ZNF354C: variants seen among roughly 807,000 people sequenced by gnomAD.
The protein encoded by ZNF354C is zinc finger protein 354C.
Under a neutral mutation model 12.4 loss-of-function variants are expected in ZNF354C, and 7 were observed. That is an observed-to-expected ratio of 0.56 (90% CI 0.32 to 1.06). The LOEUF (loss-of-function observed/expected upper bound fraction) is 1.06, where lower values mean the gene tolerates loss of function less well. Among genes scored for constraint, ZNF354C ranks in the 50% least tolerant of loss-of-function variants. The pLI, the probability that ZNF354C is intolerant of heterozygous loss-of-function variation, is 0.04. For missense variants in ZNF354C, 609 were observed against 658.0 expected, an observed-to-expected ratio of 0.93 and a Z score of 0.81; for synonymous variants, 202 against 224.5, an observed-to-expected ratio of 0.90 and a Z score of 0.90.
intron 2 of ZNF354C, among the ~76,000 whole-genome samples, chr5:179,062,737 C>G (rs1227586204): frequency 6.6e-6 from 1 of 152,176 alleles, no homozygotes; most frequent in Non-Finnish European, 1.5e-5. Context: ...TGGGGCCTTC[C>G]CCTCCCAGTG....
At chr5:179,064,487 G>T (rs1261629378) in intron 2 of ZNF354C, among the ~76,000 whole-genome samples, 1 of 151,946 alleles carries the variant, frequency 6.6e-6, no homozygotes, top group Non-Finnish European at 1.5e-5. Flanking sequence ...CGCCATCTCG[G>T]TTCACTGCAA....
In ZNF354C at chr5:179,080,975, T is replaced by C. The variant is rs955910682; in HGVS notation, c.*878T>C. ...AGAGATTTTAGTTTAATTATAGCCTTTCATTGTACTAACGAAGGATTTGAA... is the reference window on the plus strand; with the variant it reads ...AGAGATTTTAGTTTAATTATAGCCTCTCATTGTACTAACGAAGGATTTGAA... On this transcript the variant is annotated 3_prime_UTR_variant, in exon 5 of 5. Transcript: ENST00000315475. The C allele has an allele frequency of 2.0e-5, 3 of 151,790 alleles. No homozygotes were observed. Among genetic ancestry groups the C allele is most frequent in the African/African-American group, 7.3e-5 (3 of 41,074 alleles). The allele number at this position is 151,790 out of a possible 1,614,324, so 9.4% of individuals were successfully genotyped here.
Position 179,083,078 on chromosome 5 carries a change from G to A in ZNF354C, c.*2981G>A. 1.4e-6 allele frequency: 1 copy of A among 721,340 alleles called. No homozygotes were observed. The highest frequency in any genetic ancestry group is 2.1e-5 in the South Asian group (1 of 48,534). 44.7% of individuals were successfully genotyped at this position (721,340 alleles called of 1,614,324 possible). A position where few individuals can be genotyped will look rare whatever the true frequency, so the allele number is the denominator to read the frequency against. On this transcript the variant is annotated 3_prime_UTR_variant, in exon 5 of 5. Transcript: ENST00000315475. ...GGTGTGATGTTGTAAGCCATAGTTT[G>A]TGCATTTTGGCCCTGGTCTGGACTT...
intron 2 of ZNF354C, among the ~76,000 whole-genome samples, chr5:179,063,194 CT>C (rs1761916748): frequency 2.0e-5 from 3 of 152,218 alleles, no homozygotes; most frequent in Non-Finnish European, 2.9e-5. Flanking sequence ...TATTTTATCT[CT>C]CTGTACCCCA....
At chr5:179,066,322 C>T (rs1761957532) in intron 2 of ZNF354C, among the ~76,000 whole-genome samples, 2 of 152,232 alleles carry the variant, frequency 1.3e-5, no homozygotes, top group Non-Finnish European at 2.9e-5. Context: ...TGCTGCCATT[C>T]ATTTCACTCA....
rs1040191733 is a variant in ZNF354C, at chr5:179,076,518, G to A, written c.101G>A (p.Arg34Lys). 1 of 1,614,214 alleles carries A rather than the reference G, an allele frequency of 6.2e-7. No individual in the cohort carries two copies. The highest frequency in any genetic ancestry group is 8.5e-7 in the Non-Finnish European group (1 of 1,180,046). ...DEWLHLDSAQ[R>K]ALYREVMLEN... Reference sequence around the variant, plus strand: ...TGGTTGCACCTGGACTCTGCCCAGAGGGCCTTGTACCGGGAGGTGATGCTG... The same window carrying A: ...TGGTTGCACCTGGACTCTGCCCAGAAGGCCTTGTACCGGGAGGTGATGCTG... Residue 34 changes from arginine (R) to lysine (K), a missense_variant, in exon 3 of 5, where the codon AGG becomes AAG. Physicochemically the swap from Arg to Lys is conservative, Grantham distance 26 (BLOSUM62 2). Transcript: ENST00000315475.
In ZNF354C at chr5:179,077,129, C is replaced by G; in HGVS notation, c.213C>G (p.Cys71Trp). 1 of 1,614,106 alleles carries G rather than the reference C, an allele frequency of 6.2e-7. No individual in the cohort carries two copies. The highest frequency in any genetic ancestry group is 1.7e-5 in the Admixed American group (1 of 60,024). The part of the protein sequence containing the change: ...IHQLQQGEDP[C>W]MVEREVPSDT... ...AGTTGCAGCAAGGAGAAGATCCCTG[C>G]ATGGTGGAAAGAGAAGTCCCTTCAG... is the stretch of plus-strand genomic sequence containing the variant. Residue 71 changes from cysteine to tryptophan, a missense_variant, in exon 4 of 5, where the codon TGC becomes TGG. Coordinates refer to ENST00000315475, the MANE Select transcript of ZNF354C (RefSeq NM_014594.3).
At position 179,082,577 on chromosome 5, in the gene ZNF354C, AT is replaced by A; in HGVS notation, c.*2483del. On this transcript the variant is annotated 3_prime_UTR_variant, in exon 5 of 5. Transcript: ENST00000315475. ...AGCTCAAAAGAACTAAGTATTCCAG[AT>A]TTCGGGAGGGATGAAGAGGGAGATA... is the stretch of plus-strand genomic sequence containing the variant. 1.1e-6 allele frequency: 1 copy of A among 910,134 alleles called. No homozygotes were observed. The highest frequency in any genetic ancestry group is 1.8e-6 in the Non-Finnish European group (1 of 541,538). 56.4% of individuals were successfully genotyped at this position (910,134 alleles called of 1,614,324 possible).
In ZNF354C at chr5:179,083,054, G is replaced by GT; in HGVS notation, c.*2958dup. On this transcript the variant is annotated 3_prime_UTR_variant, in exon 5 of 5. Coordinates refer to ENST00000315475, the MANE Select transcript of ZNF354C (RefSeq NM_014594.3). ...CACATTCCACTGGCCCTACGCAGGG[G>GT]TGTGATGTTGTAAGCCATAGTTTGT... The GT allele has an allele frequency of 1.3e-6, 1 of 763,106 alleles. No individual in the cohort carries two copies. Among genetic ancestry groups the GT allele is most frequent in the Admixed American group, 2.4e-5 (1 of 41,776 alleles). 47.3% of individuals were successfully genotyped at this position (763,106 alleles called of 1,614,324 possible).
chr5:179,074,291 C>CT (rs34702354), intron 2 of ZNF354C, among the ~76,000 whole-genome samples: 73,072 of 139,334 alleles, frequency 0.52, 19,977 homozygotes, highest in East Asian at 0.75. Context: ...AATTTTTGTA[C>CT]TTTTTTTTTT....
At position 179,078,909 on chromosome 5, in the gene ZNF354C, C is replaced by T. The variant is rs777890116; in HGVS notation, c.477C>T (p.Asn159=). The part of the protein sequence containing the change: ...SHEKTISEDG[N]HTSLELGKSL... ...AGAAAACCATCAGTGAAGATGGAAACCATACAAGTCTTGAATTGGGGAAAA... is the reference window on the plus strand; with the variant it reads ...AGAAAACCATCAGTGAAGATGGAAATCATACAAGTCTTGAATTGGGGAAAA... The change falls in exon 5 of 5, where the codon AAC becomes AAT. Residue 159 remains asparagine (N), a synonymous_variant. Transcript: ENST00000315475. 1 of 1,614,096 alleles carries T rather than the reference C, an allele frequency of 6.2e-7. No homozygotes were observed. Among genetic ancestry groups the T allele is most frequent in the Admixed American group, 1.7e-5 (1 of 60,026 alleles).
Position 179,068,931 on chromosome 5 carries a change from G to A in ZNF354C, c.27+6836G>A, listed in dbSNP as rs143847800. On this transcript the variant is annotated intron_variant, in intron 2 of 4. Transcript: ENST00000315475. The stretch of plus-strand genomic sequence containing the variant: ...CTGCCACATGGCCTCTCCTGCGCAT[G>A]AGCGTGTCCGTGTCCTGATCTCCCC... 6.0e-4 allele frequency among the ~76,000 whole-genome samples: 92 copies of A among 152,338 alleles called. 1 individual carries two copies. The highest frequency in any genetic ancestry group is 2.0e-3 in the African/African-American group (82 of 41,578).
rs1422265959 is a variant in ZNF354C at position 179,077,809 on chromosome 5, C to CTT, written c.250+661_250+662dup. Among the ~76,000 whole-genome samples the CTT allele has an allele frequency of 1.9e-3, 229 of 121,282 alleles. 4 individuals carry two copies. Among genetic ancestry groups the CTT allele is most frequent in the African/African-American group, 2.5e-3 (84 of 34,004 alleles). 79.6% of individuals were successfully genotyped at this position (121,282 alleles called of 152,430 possible). ...TCAAAACCTGAATGTCCCCCCACTC[C>CTT]TTTTTTTTTTTTTTTTTTTGAGATG... On this transcript the variant is annotated intron_variant, in intron 4 of 4. Coordinates refer to ENST00000315475, the MANE Select transcript of ZNF354C (RefSeq NM_014594.3).
Position 179,078,922 on chromosome 5 carries a change from G to A in ZNF354C, c.490G>A (p.Glu164Lys). 6.2e-7 allele frequency: 1 copy of A among 1,614,118 alleles called. No homozygotes were observed. The highest frequency in any genetic ancestry group is 8.5e-7 in the Non-Finnish European group (1 of 1,179,994). ...ISEDGNHTSL[E>K]LGKSLFTNTA... is the part of the protein sequence containing the mutation. ...TGAAGATGGAAACCATACAAGTCTT[G>A]AATTGGGGAAAAGCTTATTTACAAA... is the stretch of plus-strand genomic sequence containing the variant. The change falls in exon 5 of 5, where the codon GAA (glutamate) becomes AAA (lysine). Residue 164 changes from glutamate (E) to lysine (K), a missense_variant. Glu to Lys is a moderately conservative substitution (Grantham distance 56, BLOSUM62 1). Coordinates refer to ENST00000315475, the MANE Select transcript of ZNF354C (RefSeq NM_014594.3).
chr5:179,064,419 C>T (rs966075373), intron 2 of ZNF354C, among the ~76,000 whole-genome samples: 1 of 147,648 alleles, frequency 6.8e-6, no homozygotes, highest in African/African-American at 2.5e-5. Flanking sequence ...CAATATGTAA[C>T]CCCCCTTTTT....
At chr5:179,070,466 A>G (rs1344934905) in intron 2 of ZNF354C, among the ~76,000 whole-genome samples, 1 of 152,156 alleles carries the variant, frequency 6.6e-6, no homozygotes, top group Non-Finnish European at 1.5e-5. Flanking sequence ...CTACTTTTCC[A>G]TGACAACAGT....
rs185685047 is a variant in ZNF354C, at chr5:179,082,642, A to G, written c.*2545A>G. ...ACCAGATTCCTCCCAACTTGATCAT[A>G]GTGGATTAATGACGTGCTTTGTGGA... is the stretch of plus-strand genomic sequence containing the variant. On this transcript the variant is annotated 3_prime_UTR_variant, in exon 5 of 5. Coordinates refer to ENST00000315475, the MANE Select transcript of ZNF354C (RefSeq NM_014594.3). 2.8e-5 allele frequency: 42 copies of G among 1,508,154 alleles called. No individual in the cohort carries two copies. The East Asian group carries it at 7.0e-4, about 25-fold the overall frequency. 93.4% of individuals were successfully genotyped at this position (1,508,154 alleles called of 1,614,324 possible).
chr5:179,066,154 G>A (rs1761955651), intron 2 of ZNF354C, among the ~76,000 whole-genome samples: 1 of 152,160 alleles, frequency 6.6e-6, no homozygotes, highest in Non-Finnish European at 1.5e-5. Context: ...TCTGCTGTCT[G>A]TACATATCAA....
intron 2 of ZNF354C, among the ~76,000 whole-genome samples, chr5:179,065,350 T>C (rs1473229509): frequency 6.6e-6 from 1 of 152,202 alleles, no homozygotes; most frequent in Non-Finnish European, 1.5e-5. Context: ...TCTCAGACTT[T>C]CCTTGTATGT....
Sources: allele counts gnomAD v4.1 joint callset (sites outside exome capture counted in the v4.1 genomes callset), GRCh38; gene constraint gnomAD v4.1.1; transcripts MANE v1.5; gene names NCBI Gene and HGNC (gene_info 2026-07-23, HGNC 2026-07-21).